TASP1: variants seen among roughly 807,000 people sequenced by gnomAD.
The protein encoded by TASP1 is threonine aspartase 1.
TASP1 carries 16 observed loss-of-function variants against 56.6 expected under a neutral mutation model. That is an observed-to-expected ratio of 0.28 (90% CI 0.19 to 0.43). The LOEUF (loss-of-function observed/expected upper bound fraction) is 0.43, where lower values mean the gene tolerates loss of function less well. Among genes scored for constraint, TASP1 ranks in the 20% least tolerant of loss-of-function variants. The pLI, the probability that TASP1 is intolerant of heterozygous loss-of-function variation, is 1.00. For synonymous variants in TASP1, 179 were observed against 184.2 expected (o/e 0.97, Z 0.23); for missense variants, 393 against 511.6 (o/e 0.77, Z 2.24).
intron 7 of TASP1, among the ~76,000 whole-genome samples, chr20:13,563,029 T>G (rs1186261628): frequency 7.2e-6 from 1 of 139,194 alleles, no homozygotes; most frequent in African/African-American, 2.6e-5. Context: ...TACACACACA[T>G]ACATACGCAC....
the TASP1 span, among the ~76,000 whole-genome samples, chr20:13,383,987 G>A: frequency 6.6e-6 from 1 of 152,126 alleles, no homozygotes; most frequent in African/African-American, 2.4e-5. Context: ...AACAGGTTTG[G>A]GGGAAGAACC....
chr20:13,133,761 G>C, the TASP1 span, among the ~76,000 whole-genome samples: 2 of 152,012 alleles, frequency 1.3e-5, no homozygotes, highest in Non-Finnish European at 2.9e-5. Flanking sequence ...GTTTATTTAG[G>C]GGAACTTACG....
chr20:13,131,949 A>G, the TASP1 span, among the ~76,000 whole-genome samples: 10 of 151,818 alleles, frequency 6.6e-5, no homozygotes, highest in Non-Finnish European at 1.5e-4. Context: ...TCAGCCTACT[A>G]CAGGCAGCTG....
chr20:13,203,604 C>T, the TASP1 span, among the ~76,000 whole-genome samples: 57,522 of 152,000 alleles, frequency 0.38, 11,523 homozygotes, highest in African/African-American at 0.53. Flanking sequence ...AATGACAATT[C>T]GGAAAAGCAA....
At chr20:13,562,083 G>A (rs760403964) in intron 7 of TASP1, among the ~76,000 whole-genome samples, 1 of 152,166 alleles carries the variant, frequency 6.6e-6, no homozygotes, top group South Asian at 2.1e-4. Context: ...GATAGGTATT[G>A]TACAATGTAT....
intron 4 of TASP1, among the ~76,000 whole-genome samples, chr20:13,611,237 G>A (rs2048338450): frequency 6.6e-6 from 1 of 152,198 alleles, no homozygotes; most frequent in Non-Finnish European, 1.5e-5. Flanking sequence ...GACAAAGTGT[G>A]AAAATCAGTG....
At chr20:13,378,068 A>C in the TASP1 span, among the ~76,000 whole-genome samples, 5 of 151,608 alleles carry the variant, frequency 3.3e-5, no homozygotes, top group African/African-American at 9.7e-5. Context: ...TCGTGTCTCT[A>C]TCTCCTTCAG....
At chr20:13,485,792 C>T (rs2043301973) in intron 10 of TASP1, among the ~76,000 whole-genome samples, 1 of 152,106 alleles carries the variant, frequency 6.6e-6, no homozygotes, top group South Asian at 2.1e-4. Context: ...TGTGTACATA[C>T]TTGATGTTGA....
chr20:13,288,518 C>T, the TASP1 span: 7 of 1,610,614 alleles, frequency 4.3e-6, no homozygotes, highest in South Asian at 6.6e-5. Context: ...AGTTGATGAC[C>T]ATCTCCCTGG....
chr20:13,288,648 C>G, the TASP1 span: 1 of 1,614,020 alleles, frequency 6.2e-7, no homozygotes, highest in Non-Finnish European at 8.5e-7. Flanking sequence ...TGCACTGCAA[C>G]AGAATCGAGG....
intron 8 of TASP1, among the ~76,000 whole-genome samples, chr20:13,547,124 A>G (rs1039979626): frequency 2.0e-5 from 3 of 152,216 alleles, no homozygotes; most frequent in Admixed American, 6.5e-5. Flanking sequence ...CACTATTTCT[A>G]GAGACTGTGA....
chr20:13,341,808 G>A, the TASP1 span, among the ~76,000 whole-genome samples: 1 of 152,186 alleles, frequency 6.6e-6, no homozygotes, highest in Non-Finnish European at 1.5e-5. Flanking sequence ...TGATGAAACG[G>A]AGGAACAGCT....
the TASP1 span, among the ~76,000 whole-genome samples, chr20:13,147,135 G>C: frequency 2.0e-5 from 3 of 152,160 alleles, no homozygotes; most frequent in African/African-American, 7.2e-5. Flanking sequence ...TGTCCAGCCT[G>C]CTCCTGCGTG....
chr20:13,262,970 C>A, the TASP1 span, among the ~76,000 whole-genome samples: 1 of 152,168 alleles, frequency 6.6e-6, no homozygotes, highest in African/African-American at 2.4e-5. Flanking sequence ...ACCGTGACAG[C>A]AGGCTCCATT....
At chr20:13,161,857 G>A in the TASP1 span, among the ~76,000 whole-genome samples, 8,090 of 152,224 alleles carry the variant, frequency 0.053, 249 homozygotes, top group African/African-American at 0.08. Context: ...GAGTTGCCAT[G>A]TCCTTCGTCT....
chr20:13,212,524 A>G, the TASP1 span, among the ~76,000 whole-genome samples: 23 of 152,168 alleles, frequency 1.5e-4, no homozygotes, highest in Non-Finnish European at 3.2e-4. Context: ...CACACACAAA[A>G]GTGTGAGAAC....
At chr20:13,338,195 G>A in the TASP1 span, among the ~76,000 whole-genome samples, 1 of 152,194 alleles carries the variant, frequency 6.6e-6, no homozygotes, top group Non-Finnish European at 1.5e-5. Context: ...GAAAGAGACA[G>A]GCAATTCCTG....
At chr20:13,436,312 T>G (rs1462130343) in intron 11 of TASP1, among the ~76,000 whole-genome samples, 4 of 151,480 alleles carry the variant, frequency 2.6e-5, no homozygotes, top group African/African-American at 9.7e-5. Flanking sequence ...AAGAATGCCA[T>G]TATTTTGTTT....
chr20:13,588,319 A>G (rs922339679), intron 4 of TASP1, among the ~76,000 whole-genome samples: 2 of 111,048 alleles, frequency 1.8e-5, no homozygotes, highest in African/African-American at 5.0e-5. Flanking sequence ...GAGAAAGAAA[A>G]GGAAGGAAGG....
Sources: gnomAD v4.1 joint callset for allele counts (sites outside exome capture counted in the v4.1 genomes callset) on GRCh38, gnomAD v4.1.1 for gene constraint, MANE v1.5 for transcripts, NCBI Gene and HGNC (gene_info 2026-07-23, HGNC 2026-07-21) for gene names.